Variants in ASZ1 observed in about 807,000 individuals in gnomAD.
ASZ1 encodes ankyrin repeat, SAM and basic leucine zipper domain containing 1, also known as ankyrin repeat, SAM and basic leucine zipper domain-containing protein 1.
Under a neutral mutation model 61.8 loss-of-function variants are expected in ASZ1, and 67 were observed. The ratio of observed to expected loss-of-function variants is 1.08; its 90% confidence interval spans 0.89 to 1.33. The LOEUF (loss-of-function observed/expected upper bound fraction) is 1.33, where lower values mean the gene tolerates loss of function less well. ASZ1 is among the 40% of genes most tolerant of loss of function. ASZ1 has a pLI of 0.00. For missense variants in ASZ1, 577 were observed against 554.5 expected, an observed-to-expected ratio of 1.04 and a Z score of -0.41; for synonymous variants, 193 against 192.7, an observed-to-expected ratio of 1.00 and a Z score of -0.01.
chr7:117,423,086 T>C (rs930109575), intron 2 of ASZ1, among the ~76,000 whole-genome samples: 2 of 152,172 alleles, frequency 1.3e-5, no homozygotes, highest in African/African-American at 4.8e-5. Flanking sequence ...TTAAAATTAC[T>C]TTGAGGAGGA....
chr7:117,382,185 T>C, intron 7 of ASZ1, 41 bp from the exon 8 acceptor site: 2 of 1,164,710 alleles, frequency 1.7e-6, no homozygotes, highest in Non-Finnish European at 2.6e-6. Flanking sequence ...GAACAGATTA[T>C]AAATGCACAA....
chr7:117,404,756 G>T (rs1584736221), intron 4 of ASZ1, among the ~76,000 whole-genome samples: 1 of 152,162 alleles, frequency 6.6e-6, no homozygotes, highest in African/African-American at 2.4e-5. Flanking sequence ...CCCTCATTTG[G>T]CCAGGCCCCC....
intron 10 of ASZ1, among the ~76,000 whole-genome samples, chr7:117,376,128 A>G (rs898740080): frequency 1.3e-5 from 2 of 152,134 alleles, no homozygotes; most frequent in Non-Finnish European, 2.9e-5. Flanking sequence ...ATGGGGTATT[A>G]TAACAGATCC....
chr7:117,365,018 C>T (rs1341444910), intron 12 of ASZ1, among the ~76,000 whole-genome samples: 1 of 152,064 alleles, frequency 6.6e-6, no homozygotes, highest in African/African-American at 2.4e-5. Context: ...AAAAAAAAAT[C>T]CCTTCAATTA....
At chr7:117,394,599 C>G (rs1388825009) in intron 4 of ASZ1, among the ~76,000 whole-genome samples, 2 of 152,138 alleles carry the variant, frequency 1.3e-5, no homozygotes, top group African/African-American at 2.4e-5. Flanking sequence ...GGGAAACATT[C>G]TTGGTCTTTA....
chr7:117,401,887 G>A (rs73480763), intron 4 of ASZ1, among the ~76,000 whole-genome samples: 10,567 of 152,070 alleles, frequency 0.069, 398 homozygotes, highest in Middle Eastern at 0.11. Flanking sequence ...CCATACGGCC[G>A]TTCTTAGGGT....
chr7:117,423,134 A>C (rs1480108632), intron 2 of ASZ1, among the ~76,000 whole-genome samples: 1 of 152,190 alleles, frequency 6.6e-6, no homozygotes, highest in Admixed American at 6.5e-5. Flanking sequence ...ATGACTATCA[A>C]ATTCTGTCTT....
intron 7 of ASZ1, 73 bp from the exon 8 acceptor site, chr7:117,382,217 T>C: frequency 6.6e-6 from 6 of 903,222 alleles, no homozygotes; most frequent in Non-Finnish European, 1.1e-5. Flanking sequence ...ACATTTATAT[T>C]GCAAGAGAAT....
chr7:117,380,208 GTGAT>G (rs1796224352), intron 9 of ASZ1, among the ~76,000 whole-genome samples, 161 bp from the exon 10 acceptor site: 1 of 151,688 alleles, frequency 6.6e-6, no homozygotes, highest in South Asian at 2.1e-4. Flanking sequence ...TCTTATAACT[GTGAT>G]TGATGTTAGT....
chr7:117,422,422 T>TA (rs1163766029), intron 2 of ASZ1, 63 bp from the exon 3 acceptor site: 1 of 1,559,420 alleles, frequency 6.4e-7, no homozygotes, highest in African/African-American at 1.4e-5. Flanking sequence ...TCAGTCACCT[T>TA]ATATGCTTAA....
At chr7:117,398,047 G>A (rs995019397) in intron 4 of ASZ1, among the ~76,000 whole-genome samples, 2 of 152,172 alleles carry the variant, frequency 1.3e-5, no homozygotes, top group Non-Finnish European at 2.9e-5. Context: ...CACAAATGAT[G>A]TATTTTTGTT....
chr7:117,367,382 CT>C lies in ASZ1; in HGVS notation c.1244del (p.Lys415ArgfsTer5). ...LVNNVEDLSE[K>X]VCKLKDLIQK... ...GAATTAGGTCTTTTAGTTTGCAGAC[CT>C]TTTCACTCAAATCTTCAACATTATT... On this transcript the variant is annotated frameshift_variant, in exon 12 of 13. Transcript: ENST00000284629. LOFTEE classifies it high-confidence loss of function. 3 of 1,556,092 alleles carry C rather than the reference CT, an allele frequency of 1.9e-6. No homozygotes were observed. The highest frequency in any genetic ancestry group is 1.4e-5 in the African/African-American group (1 of 72,222).
intron 2 of ASZ1, among the ~76,000 whole-genome samples, chr7:117,422,692 G>A (rs750563646): frequency 4.6e-5 from 7 of 152,146 alleles, no homozygotes; most frequent in Non-Finnish European, 8.8e-5. Flanking sequence ...GAGGTAAAAT[G>A]TCTTTTAAAT....
intron 6 of ASZ1, among the ~76,000 whole-genome samples, chr7:117,383,542 A>C (rs1562849501): frequency 6.6e-6 from 1 of 152,040 alleles, no homozygotes; most frequent in African/African-American, 2.4e-5. Flanking sequence ...TACTTTAAAA[A>C]CATTGCTAAG....
chr7:117,417,103 T>G (rs532144768), intron 4 of ASZ1, among the ~76,000 whole-genome samples: 25 of 152,242 alleles, frequency 1.6e-4, no homozygotes, highest in Admixed American at 3.3e-4. Context: ...AAACTGAGAC[T>G]TCAATCTCAA....
intron 6 of ASZ1, 97 bp from the exon 7 acceptor site, chr7:117,383,207 G>C: frequency 7.8e-7 from 1 of 1,283,030 alleles, no homozygotes; most frequent in Non-Finnish European, 1.0e-6. Context: ...TATCCAGAAA[G>C]GAAATTTTAG....
In ASZ1 at chr7:117,408,801, G is replaced by GA. The variant is rs1040249529; in HGVS notation, c.440+11361dup. Among the ~76,000 whole-genome samples, 16 of 150,882 alleles carry GA rather than the reference G, an allele frequency of 1.1e-4. No homozygotes were observed. The South Asian group carries it at 2.3e-3, about 22-fold the overall frequency. ...AGTAAACAGCACTAATGCAGGGTAGGAAAAAAAAATGAGTGGTTGCCTTCT... is the reference window on the plus strand; with the variant it reads ...AGTAAACAGCACTAATGCAGGGTAGGAAAAAAAAAATGAGTGGTTGCCTTCT... On this transcript the variant is annotated intron_variant, in intron 4 of 12. Transcript: ENST00000284629.
Position 117,381,035 on chromosome 7 carries a change from G to C in ASZ1, c.921C>G (p.Thr307=). 6.3e-7 allele frequency: 1 copy of C among 1,597,404 alleles called. No homozygotes were observed. The highest frequency in any genetic ancestry group is 8.5e-7 in the Non-Finnish European group (1 of 1,171,408). ...CCTTTGTAAATTCATCTTCCCTCAT[G>C]GTCAAAAGATGTCTTAACGTTATAT... ...ERDITLRHLL[T]MREDEFTKNG... Residue 307 remains threonine, a synonymous_variant, in exon 9 of 13, where the codon ACC becomes ACG. Transcript: ENST00000284629.
At chr7:117,382,315 C>T (rs1796270465) in intron 7 of ASZ1, among the ~76,000 whole-genome samples, 171 bp from the exon 8 acceptor site, 1 of 152,036 alleles carries the variant, frequency 6.6e-6, no homozygotes, top group African/African-American at 2.4e-5. Flanking sequence ...GGTTTTGTGA[C>T]TGAAGATATA....
Sources: allele counts gnomAD v4.1 joint callset (sites outside exome capture counted in the v4.1 genomes callset), GRCh38; gene constraint gnomAD v4.1.1; transcripts MANE v1.5; gene names NCBI Gene and HGNC (gene_info 2026-07-23, HGNC 2026-07-21).